The following RGS7 variants were observed in gnomAD, a reference collection of about 807,000 sequenced individuals.
RGS7 encodes regulator of G protein signaling 7, also known as regulator of G-protein signaling 7.
RGS7 carries 27 observed loss-of-function variants against 81.1 expected under a neutral mutation model. The observed-to-expected ratio is 0.33, with a 90% CI of 0.25 to 0.46. The LOEUF is 0.46. Among genes scored for constraint, RGS7 ranks in the 20% least tolerant of loss-of-function variants. The pLI is 1.00. For missense variants in RGS7, 396 were observed against 607.4 expected (o/e 0.65, Z 3.66); for synonymous variants, 208 against 207.7 (o/e 1.00, Z -0.01).
At chr1:241,135,529 C>T (rs1216367215) in intron 2 of RGS7, among the ~76,000 whole-genome samples, 1 of 152,082 alleles carries the variant, frequency 6.6e-6, no homozygotes, top group East Asian at 1.9e-4. Flanking sequence ...TTACACTCAC[C>T]ACTTCCGGGA....
chr1:241,213,910 G>A (rs1286709059), intron 2 of RGS7, among the ~76,000 whole-genome samples: 1 of 152,090 alleles, frequency 6.6e-6, no homozygotes. Flanking sequence ...GACTACAGGT[G>A]TGTGCCACCA....
At chr1:241,220,992 AGG>A (rs2074904186) in intron 2 of RGS7, among the ~76,000 whole-genome samples, 1 of 86,086 alleles carries the variant, frequency 1.2e-5, no homozygotes, top group Admixed American at 1.1e-4. Context: ...GAAGGAAGGA[AGG>A]AAGAGAGAGA....
chr1:240,778,952 T>C (rs1683456300), intron 18 of RGS7, among the ~76,000 whole-genome samples: 1 of 145,304 alleles, frequency 6.9e-6, no homozygotes, highest in South Asian at 2.1e-4. Context: ...AAATAAAATA[T>C]GCACTCCTGC....
At chr1:241,274,002 C>G (rs2078060549) in intron 2 of RGS7, among the ~76,000 whole-genome samples, 1 of 152,154 alleles carries the variant, frequency 6.6e-6, no homozygotes, top group Non-Finnish European at 1.5e-5. Context: ...TCCTATTAGT[C>G]CACCAAGAAT....
intron 18 of RGS7, among the ~76,000 whole-genome samples, chr1:240,783,481 G>A (rs1433090312): frequency 1.3e-5 from 2 of 151,482 alleles, no homozygotes; most frequent in Non-Finnish European, 2.9e-5. Context: ...AAAAAAGCAG[G>A]GCATGGTGGT....
chr1:241,067,378 G>C (rs6690307), intron 3 of RGS7, among the ~76,000 whole-genome samples: 10,107 of 151,964 alleles, frequency 0.067, 435 homozygotes, highest in East Asian at 0.14. Context: ...TTGACATGTA[G>C]TAGGCATTCA....
chr1:241,301,012 AT>A (rs1171137114), intron 2 of RGS7, among the ~76,000 whole-genome samples: 2 of 152,204 alleles, frequency 1.3e-5, no homozygotes, highest in African/African-American at 4.8e-5. Flanking sequence ...AGTGAGATAT[AT>A]GTCAAGCACC....
intron 2 of RGS7, among the ~76,000 whole-genome samples, chr1:241,348,798 T>A (rs187464308): frequency 6.6e-6 from 1 of 152,144 alleles, no homozygotes; most frequent in Non-Finnish European, 1.5e-5. Context: ...GGCTAAACAA[T>A]GTAAGACGGG....
intron 2 of RGS7, among the ~76,000 whole-genome samples, chr1:241,332,391 T>G (rs992762009): frequency 2.2e-4 from 33 of 152,122 alleles, no homozygotes; most frequent in African/African-American, 7.7e-4. Context: ...AAATGTACAT[T>G]AGAACCATGG....
At chr1:241,323,376 CTGT>C (rs1441359476) in intron 2 of RGS7, among the ~76,000 whole-genome samples, 1 of 152,248 alleles carries the variant, frequency 6.6e-6, no homozygotes, top group Non-Finnish European at 1.5e-5. Flanking sequence ...CTGTCAGCGC[CTGT>C]GGAGGCCTAA....
chr1:241,101,523 AAAAG>A (rs1010027231), intron 2 of RGS7, among the ~76,000 whole-genome samples: 2 of 152,022 alleles, frequency 1.3e-5, no homozygotes, highest in African/African-American at 4.8e-5. Flanking sequence ...AAATAAATAA[AAAAG>A]AAAGAAAAAA....
At chr1:241,270,893 G>A (rs1433148861) in intron 2 of RGS7, among the ~76,000 whole-genome samples, 1 of 141,674 alleles carries the variant, frequency 7.1e-6, no homozygotes, top group African/African-American at 2.7e-5. Flanking sequence ...CCAGTAGCTG[G>A]GGCTACAGGA....
chr1:241,198,789 C>A (rs1319946449), intron 2 of RGS7, among the ~76,000 whole-genome samples: 1 of 152,124 alleles, frequency 6.6e-6, no homozygotes, highest in Non-Finnish European at 1.5e-5. Flanking sequence ...ACGTTAAGTT[C>A]TTTCAGGAAA....
intron 2 of RGS7, among the ~76,000 whole-genome samples, chr1:241,328,185 G>A (rs1283857712): frequency 6.6e-6 from 1 of 152,328 alleles, no homozygotes; most frequent in Non-Finnish European, 1.5e-5. Flanking sequence ...TTTTTCATAG[G>A]AATCTATTCC....
At chr1:241,033,864 A>G (rs2060204562) in intron 3 of RGS7, among the ~76,000 whole-genome samples, 1 of 152,154 alleles carries the variant, frequency 6.6e-6, no homozygotes, top group South Asian at 2.1e-4. Context: ...ACTGTCGAAT[A>G]TACTCAGGAT....
At chr1:241,159,629 A>G (rs2069466187) in intron 2 of RGS7, among the ~76,000 whole-genome samples, 3 of 152,126 alleles carry the variant, frequency 2.0e-5, no homozygotes, top group African/African-American at 4.8e-5. Context: ...GGACACTGAG[A>G]TATCAGCAAA....
At chr1:241,291,097 C>T (rs1345801121) in intron 2 of RGS7, among the ~76,000 whole-genome samples, 2 of 152,080 alleles carry the variant, frequency 1.3e-5, no homozygotes, top group African/African-American at 4.8e-5. Flanking sequence ...CCTTAAGGAA[C>T]TTAGACTGGT....
chr1:240,968,710 G>A (rs377052983), intron 4 of RGS7, among the ~76,000 whole-genome samples: 120 of 152,264 alleles, frequency 7.9e-4, no homozygotes, highest in African/African-American at 2.6e-3. Flanking sequence ...CCTGTCTTGT[G>A]TGGTTTGAGA....
chr1:240,882,416 C>A (rs566665746), intron 6 of RGS7, among the ~76,000 whole-genome samples: 1 of 152,260 alleles, frequency 6.6e-6, no homozygotes, highest in Admixed American at 6.5e-5. Flanking sequence ...TATCATAAGG[C>A]GGTTACATGT....
Sources: allele counts gnomAD v4.1 joint callset (sites outside exome capture counted in the v4.1 genomes callset), GRCh38; gene constraint gnomAD v4.1.1; transcripts MANE v1.5; gene names NCBI Gene and HGNC (gene_info 2026-07-23, HGNC 2026-07-21).